MCCC1: variants seen among roughly 807,000 people sequenced by gnomAD.
MCCC1 encodes the protein methylcrotonoyl-CoA carboxylase subunit alpha, mitochondrial.
In MCCC1, 64 loss-of-function variants were observed where a neutral mutation model predicts 83.8. The ratio of observed to expected loss-of-function variants is 0.76; its 90% confidence interval spans 0.62 to 0.94. The LOEUF is 0.94. MCCC1 is among the 40% of genes least tolerant of loss of function. The pLI, the probability that MCCC1 is intolerant of heterozygous loss-of-function variation, is 0.00. For synonymous variants in MCCC1, 322 were observed against 315.4 expected (o/e 1.02, Z -0.22); for missense variants, 807 against 904.7 (o/e 0.89, Z 1.39).
Position 183,071,305 on chromosome 3 carries a change from G to T in MCCC1, c.544C>A (p.His182Asn), listed in dbSNP as rs146037762. 2.9e-5 allele frequency: 47 copies of T among 1,614,194 alleles called. No homozygotes were observed. Among genetic ancestry groups the T allele is most frequent in the Non-Finnish European group, 4.0e-5 (47 of 1,180,048 alleles). The change falls in exon 6 of 19, where the codon CAT becomes AAT. Residue 182 changes from histidine to asparagine, a missense_variant. His to Asn is a moderately conservative substitution (Grantham distance 68). Transcript: ENST00000265594. ...CACTGGTCTGATTGGTCCTCACCATGATAACCCTCCACAACAGGTACTCCA... is the reference window on the plus strand; with the variant it reads ...CACTGGTCTGATTGGTCCTCACCATTATAACCCTCCACAACAGGTACTCCA... The part of the protein sequence containing the change: ...AAGVPVVEGY[H>N]GEDQSDQCLK...
At chr3:183,017,675 A>G in intron 17 of MCCC1, 1 of 324,536 alleles carries the variant, frequency 3.1e-6, no homozygotes, top group Non-Finnish European at 5.8e-6. Context: ...TCAGAGGCCT[A>G]CAGGTCAAAT....
chr3:183,110,062 G>T (rs1450441899), intron 1 of MCCC1, among the ~76,000 whole-genome samples: 1 of 152,172 alleles, frequency 6.6e-6, no homozygotes, highest in Non-Finnish European at 1.5e-5. Flanking sequence ...CTTTTGAGAA[G>T]TGTCTGTTCA....
chr3:183,062,118 T>C (rs1402846968), intron 7 of MCCC1, among the ~76,000 whole-genome samples: 1 of 152,208 alleles, frequency 6.6e-6, no homozygotes, highest in Admixed American at 6.5e-5. Context: ...TCCCCAGCCA[T>C]GTGGAACTGT....
At chr3:183,037,469 T>G (rs774570851) in intron 12 of MCCC1, 35 bp from the exon 13 acceptor site, 1 of 1,523,004 alleles carries the variant, frequency 6.6e-7, no homozygotes, top group Non-Finnish European at 9.1e-7. Flanking sequence ...TCCTGCTGAG[T>G]GGGGAAAACA....
chr3:183,035,261 G>A (rs753017896), intron 13 of MCCC1, among the ~76,000 whole-genome samples: 15 of 152,158 alleles, frequency 9.9e-5, no homozygotes, highest in Non-Finnish European at 2.2e-4. Flanking sequence ...AATACCACAT[G>A]GGACGTATTT....
chr3:183,098,945 TGTTTCGTTGAGGAA>T (rs1718938479), intron 1 of MCCC1: 1 of 290,268 alleles, frequency 3.4e-6, no homozygotes. Context: ...TTACTAGCTG[TGTTTCGTTGAGGAA>T]GTCGTTGATC....
intron 14 of MCCC1, among the ~76,000 whole-genome samples, chr3:183,029,379 G>A (rs916434040): frequency 3.3e-5 from 5 of 152,126 alleles, no homozygotes; most frequent in Non-Finnish European, 4.4e-5. Context: ...TGGCGGGGCC[G>A]ACAAATCATC....
intron 9 of MCCC1, among the ~76,000 whole-genome samples, chr3:183,046,914 G>A (rs1188943330): frequency 6.6e-6 from 1 of 152,184 alleles, no homozygotes; most frequent in East Asian, 1.9e-4. Flanking sequence ...AGCCTGAGCT[G>A]TAATTGACAA....
intron 4 of MCCC1, among the ~76,000 whole-genome samples, chr3:183,085,387 T>C (rs974055762): frequency 6.6e-6 from 1 of 152,108 alleles, no homozygotes; most frequent in Non-Finnish European, 1.5e-5. Flanking sequence ...TGTTCTCACT[T>C]TGGGAACTGA....
intron 4 of MCCC1, among the ~76,000 whole-genome samples, chr3:183,082,035 G>C (rs987700026): frequency 2.0e-5 from 3 of 152,200 alleles, no homozygotes; most frequent in Admixed American, 2.0e-4. Flanking sequence ...GAGAGACCTA[G>C]TCTAACTAAG....
intron 15 of MCCC1, 48 bp downstream of exon 15, chr3:183,025,707 G>A: frequency 6.7e-7 from 1 of 1,503,358 alleles, no homozygotes; most frequent in Non-Finnish European, 9.3e-7. Flanking sequence ...CAGTATAAAA[G>A]CGGTCAGATT....
intron 15 of MCCC1, among the ~76,000 whole-genome samples, chr3:183,024,283 T>G (rs770310021): frequency 8.5e-5 from 13 of 152,072 alleles, no homozygotes; most frequent in Non-Finnish European, 1.9e-4. Flanking sequence ...GATTAAGATA[T>G]TATTTGTTTT....
At chr3:183,084,075 A>G (rs766862861) in intron 4 of MCCC1, among the ~76,000 whole-genome samples, 2 of 152,220 alleles carry the variant, frequency 1.3e-5, no homozygotes, top group Non-Finnish European at 2.9e-5. Context: ...AAAGGCTGTT[A>G]TTGTTTTTTA....
intron 4 of MCCC1, among the ~76,000 whole-genome samples, chr3:183,074,642 G>T (rs1470158855): frequency 6.6e-6 from 1 of 152,188 alleles, no homozygotes; most frequent in African/African-American, 2.4e-5. Context: ...ACAATGCAAT[G>T]CCAGATACAG....
At position 183,064,748 on chromosome 3, in the gene MCCC1, G is replaced by A. The variant is rs1339811922; in HGVS notation, c.761+6251C>T. 6.6e-6 allele frequency among the ~76,000 whole-genome samples: 1 copy of A among 152,262 alleles called. No individual in the cohort carries two copies. The highest frequency in any genetic ancestry group is 6.5e-5 in the Admixed American group (1 of 15,292). On this transcript the variant is annotated intron_variant, in intron 7 of 18. Transcript: ENST00000265594. The surrounding 1 kb of genome is among the most constrained non-coding windows in gnomAD (Gnocchi z 4.5). ...GGCAGCCGGCTCCGTGGACAGCAGG[G>A]CGAAGCGGGTAATGTAGGGGTGCAG...
chr3:183,099,690 G>A, upstream of MCCC1: 1 of 590,446 alleles, frequency 1.7e-6, no homozygotes, highest in Non-Finnish European at 3.0e-6. Context: ...CTTTGTTTCT[G>A]CGTCCCCTGG....
chr3:183,035,346 A>G (rs1191490742), intron 13 of MCCC1, among the ~76,000 whole-genome samples: 1 of 152,208 alleles, frequency 6.6e-6, no homozygotes, highest in Non-Finnish European at 1.5e-5. Flanking sequence ...AGTTTTCGGG[A>G]CTTAAAACAT....
At chr3:183,071,642 A>C (rs1380896422) in intron 5 of MCCC1, among the ~76,000 whole-genome samples, 1 of 152,226 alleles carries the variant, frequency 6.6e-6, no homozygotes, top group African/African-American at 2.4e-5. Flanking sequence ...GTCACAGATA[A>C]ATAACTTATG....
At chr3:183,022,575 G>T in intron 15 of MCCC1, 21 bp from the exon 16 acceptor site, 1 of 1,579,988 alleles carries the variant, frequency 6.3e-7, no homozygotes, top group East Asian at 2.3e-5. Context: ...TGAAAAATAA[G>T]ATTTTTAAAA....
Sources: allele counts gnomAD v4.1 joint callset (sites outside exome capture counted in the v4.1 genomes callset), GRCh38; gene constraint gnomAD v4.1.1; non-coding constraint Gnocchi (gnomAD v3.1); transcripts MANE v1.5; gene names NCBI Gene and HGNC (gene_info 2026-07-23, HGNC 2026-07-21).